TMEM255A: variants seen among roughly 807,000 people sequenced by gnomAD.
TMEM255A encodes the protein transmembrane protein 255A, also known as family with sequence similarity 70, member A.
A neutral mutation model predicts 23.5 loss-of-function variants in TMEM255A; 14 were observed. That is an observed-to-expected ratio of 0.60 (90% confidence interval 0.39 to 0.93). The LOEUF is 0.93. Among genes scored for constraint, TMEM255A ranks in the 40% least tolerant of loss-of-function variants. The pLI is 0.00. For synonymous variants in TMEM255A, 104 were observed against 100.3 expected (o/e 1.04, Z -0.22); for missense variants, 233 against 261.7 (o/e 0.89, Z 0.76).
chrX:120,295,357 G>C (rs1603403067), intron 2 of TMEM255A, among the ~76,000 whole-genome samples: 1 of 111,077 alleles, frequency 9.0e-6, no homozygotes. Context: ...GAGACCCAAG[G>C]GCTGGGCAGG....
intron 1 of TMEM255A, among the ~76,000 whole-genome samples, chrX:120,305,538 G>C (rs1304367356): frequency 9.0e-6 from 1 of 111,041 alleles, no homozygotes; most frequent in Non-Finnish European, 1.9e-5. Context: ...CACCCACGTG[G>C]CTTGACTGTC....
chrX:120,284,857 T>C (rs2057862430), intron 6 of TMEM255A, among the ~76,000 whole-genome samples: 1 of 112,222 alleles, frequency 8.9e-6, no homozygotes, highest in Non-Finnish European at 1.9e-5. Context: ...GCTAGTTGTC[T>C]GTTTCCTTTG....
At chrX:120,270,293 G>T (rs2057748246) in intron 7 of TMEM255A, among the ~76,000 whole-genome samples, 3 of 108,636 alleles carry the variant, frequency 2.8e-5, no homozygotes, top group African/African-American at 1.0e-4. Context: ...AGGAGTGTGT[G>T]TTTGTGTGTG....
At chrX:120,311,226 C>A (rs369335982) in intron 1 of TMEM255A, 26 bp downstream of exon 1, 8 of 1,165,889 alleles carry the variant, frequency 6.9e-6, no homozygotes, top group Non-Finnish European at 8.1e-6. Flanking sequence ...GCTGCCGCCG[C>A]CCGAAGGAAG....
chrX:120,255,518 C>T, downstream of TMEM255A: 1 of 792,706 alleles, frequency 1.3e-6, no homozygotes, highest in East Asian at 3.2e-5. Context: ...AAGGTGCGAA[C>T]AAGTTAATTT....
intron 6 of TMEM255A, among the ~76,000 whole-genome samples, chrX:120,283,615 G>A (rs181550310): frequency 1.2e-4 from 13 of 111,395 alleles, no homozygotes; most frequent in East Asian, 1.1e-3. Flanking sequence ...CGTGCATGAC[G>A]AACATTGGTC....
At chrX:120,258,427 C>T (rs782048513), downstream of TMEM255A, 1 of 122,745 alleles carries the variant, frequency 8.1e-6, no homozygotes, top group African/African-American at 3.2e-5. Context: ...ACAAGATTGT[C>T]TTTCAGAAAT....
chrX:120,303,851 T>A (rs1375206828), intron 2 of TMEM255A, among the ~76,000 whole-genome samples: 1 of 111,755 alleles, frequency 8.9e-6, no homozygotes, highest in Non-Finnish European at 1.9e-5. Flanking sequence ...AACATGTATA[T>A]ATATAATTTA....
chrX:120,268,428 C>A, intron 7 of TMEM255A, 41 bp from the exon 8 acceptor site: 1 of 1,076,998 alleles, frequency 9.3e-7, no homozygotes. Context: ...AAACAGTCAT[C>A]ACTAGGAGAA....
At chrX:120,287,247 A>C in intron 4 of TMEM255A, 25 bp from the exon 5 acceptor site, 3 of 1,177,502 alleles carry the variant, frequency 2.5e-6, no homozygotes, top group Non-Finnish European at 3.5e-6. Context: ...ACCAAAACAA[A>C]GGGGTTTTGA....
chrX:120,307,814 G>A (rs2058074228), intron 1 of TMEM255A, among the ~76,000 whole-genome samples: 1 of 111,963 alleles, frequency 8.9e-6, no homozygotes, highest in Non-Finnish European at 1.9e-5. Context: ...GAGAGAGTCT[G>A]AAATCTTTTC....
downstream of TMEM255A, chrX:120,254,437 C>T: frequency 8.3e-7 from 1 of 1,211,471 alleles, no homozygotes; most frequent in Admixed American, 2.2e-5. Flanking sequence ...GATGATGACA[C>T]TATTAGCTCC....
chrX:120,293,000 AAC>A (rs1242048263), intron 3 of TMEM255A, among the ~76,000 whole-genome samples: 2 of 112,550 alleles, frequency 1.8e-5, no homozygotes, highest in African/African-American at 3.2e-5. Flanking sequence ...CTAAAGTGCA[AAC>A]ACAACTGGCA....
intron 7 of TMEM255A, among the ~76,000 whole-genome samples, chrX:120,272,280 C>G (rs782405782): frequency 1.8e-5 from 2 of 111,982 alleles, no homozygotes; most frequent in Admixed American, 1.9e-4. Context: ...GGGCACCTCT[C>G]TCAGTACTGA....
At chrX:120,294,873 A>C (rs1157430190) in intron 2 of TMEM255A, among the ~76,000 whole-genome samples, 2 of 112,059 alleles carry the variant, frequency 1.8e-5, no homozygotes, top group Non-Finnish European at 3.8e-5. Context: ...ATTTTTTTAA[A>C]AATCTTTTTT....
intron 7 of TMEM255A, among the ~76,000 whole-genome samples, chrX:120,271,036 GAT>G (rs1569333237): frequency 9.0e-6 from 1 of 111,092 alleles, no homozygotes; most frequent in African/African-American, 3.3e-5. Context: ...CTTCTCCCCA[GAT>G]CTTTGCTTTC....
intron 4 of TMEM255A, among the ~76,000 whole-genome samples, chrX:120,288,741 T>C (rs1241636682): frequency 8.9e-6 from 1 of 112,409 alleles, no homozygotes; most frequent in African/African-American, 3.2e-5. Context: ...AGGAAATTGT[T>C]TTATGTTGAG....
In TMEM255A at chrX:120,260,009, A is replaced by G; in HGVS notation, c.*861T>C. Reference sequence around the variant, plus strand: ...GATTAAATAGTCACAAAGATTAGTAACAATTCATATCACGACCCAAGAACC... The same window carrying G: ...GATTAAATAGTCACAAAGATTAGTAGCAATTCATATCACGACCCAAGAACC... On this transcript the variant is annotated 3_prime_UTR_variant, in exon 9 of 9. Transcript: ENST00000371369. 8 of 388,554 alleles carry G rather than the reference A, an allele frequency of 2.1e-5. No homozygotes were observed. The highest frequency in any genetic ancestry group is 2.6e-5 in the Non-Finnish European group (8 of 305,250). The allele number at this position is 388,554 out of a possible 1,213,427, so 32.0% of individuals were successfully genotyped here.
chrX:120,258,406 G>C (rs1406506236), downstream of TMEM255A: 4 of 123,171 alleles, frequency 3.2e-5, no homozygotes, highest in East Asian at 8.3e-4. Context: ...TGATGTTTGA[G>C]TGCGTGTTTT....
Sources: gnomAD v4.1 joint callset for allele counts (sites outside exome capture counted in the v4.1 genomes callset) on GRCh38, gnomAD v4.1.1 for gene constraint, MANE v1.5 for transcripts, NCBI Gene and HGNC (gene_info 2026-07-23, HGNC 2026-07-21) for gene names.